Variants in CLVS1 observed in about 807,000 individuals in gnomAD.
The protein encoded by CLVS1 is clavesin 1, also known as clavesin-1.
CLVS1 carries 10 observed loss-of-function variants against 33.1 expected under a neutral mutation model. The ratio of observed to expected loss-of-function variants is 0.30; its 90% CI spans 0.19 to 0.51. The LOEUF (loss-of-function observed/expected upper bound fraction) is 0.51, where lower values mean the gene tolerates loss of function less well. Ranked by LOEUF, CLVS1 falls within the 20% of genes least tolerant of loss-of-function variation. The pLI is 0.97. For missense variants in CLVS1, 343 were observed against 433.4 expected (o/e 0.79, Z 1.85); for synonymous variants, 163 against 166.1 (o/e 0.98, Z 0.14).
At chr8:61,441,306 C>T (rs996805303) in intron 3 of CLVS1, among the ~76,000 whole-genome samples, 2 of 152,214 alleles carry the variant, frequency 1.3e-5, no homozygotes, top group Non-Finnish European at 2.9e-5. Context: ...AAAGACGGTC[C>T]TCCCTTACAC....
intron 5 of CLVS1, among the ~76,000 whole-genome samples, chr8:61,494,437 C>T (rs1804200440): frequency 6.6e-6 from 1 of 152,084 alleles, no homozygotes; most frequent in Non-Finnish European, 1.5e-5. Context: ...CCTGCCTGAC[C>T]TTGGGGTTAA....
the CLVS1 span, among the ~76,000 whole-genome samples, chr8:60,988,525 A>T: frequency 2.6e-5 from 4 of 152,186 alleles, no homozygotes; most frequent in African/African-American, 4.8e-5. Flanking sequence ...GCTGCTGAAA[A>T]AAAAAAGAGT....
chr8:61,184,156 G>C (rs1807295711), intron 2 of CLVS1, among the ~76,000 whole-genome samples: 1 of 152,122 alleles, frequency 6.6e-6, no homozygotes, highest in African/African-American at 2.4e-5. Flanking sequence ...GCCCAAACTT[G>C]AGAAACTTGG....
In CLVS1 at chr8:61,199,920, G is replaced by C. The variant is rs559014647; in HGVS notation, c.-152+68060G>C. The stretch of plus-strand genomic sequence containing the variant: ...TCTAGTCTATGTAACCAAAGATAAG[G>C]GACCTTGTTGAGAAAGTGAAGGGTG... On this transcript the variant is annotated intron_variant, in intron 2 of 2. Transcript: ENST00000522621. 1.9e-4 allele frequency among the ~76,000 whole-genome samples: 29 copies of C among 152,218 alleles called. No individual in the cohort carries two copies. The South Asian group carries it at 5.0e-3, about 26-fold the overall frequency.
At chr8:61,383,943 C>A (rs1414292681) in intron 3 of CLVS1, among the ~76,000 whole-genome samples, 2 of 152,122 alleles carry the variant, frequency 1.3e-5, no homozygotes, top group Non-Finnish European at 2.9e-5. Context: ...GGTGGACTTA[C>A]AAAGAAATGA....
intron 2 of CLVS1, among the ~76,000 whole-genome samples, chr8:61,172,601 T>C (rs935783901): frequency 6.6e-6 from 1 of 152,160 alleles, no homozygotes. Context: ...TTTATAAAAA[T>C]GTGAACAGCA....
intron 3 of CLVS1, among the ~76,000 whole-genome samples, chr8:61,418,172 G>C (rs1183599698): frequency 6.6e-6 from 1 of 152,086 alleles, no homozygotes; most frequent in Non-Finnish European, 1.5e-5. Flanking sequence ...GGAATTGCTG[G>C]TCTCAACCTC....
intron 2 of CLVS1, among the ~76,000 whole-genome samples, chr8:61,150,658 G>A (rs1045527998): frequency 1.3e-5 from 2 of 152,152 alleles, no homozygotes; most frequent in Admixed American, 6.5e-5. Context: ...GCTGTGTCAA[G>A]GAATCCCAGC....
chr8:61,496,802 A>AGGT (rs1394798093), intron 5 of CLVS1, among the ~76,000 whole-genome samples: 2 of 152,154 alleles, frequency 1.3e-5, no homozygotes, highest in African/African-American at 4.8e-5. Flanking sequence ...TTTTATGGTG[A>AGGT]GGTGGAAGGA....
chr8:61,413,244 A>G (rs1198242189), intron 3 of CLVS1, among the ~76,000 whole-genome samples: 2 of 152,198 alleles, frequency 1.3e-5, no homozygotes, highest in Non-Finnish European at 2.9e-5. Context: ...GGCAACTCAT[A>G]TGCTACAGTA....
At chr8:61,485,553 T>C (rs997532006) in intron 5 of CLVS1, among the ~76,000 whole-genome samples, 28 of 152,256 alleles carry the variant, frequency 1.8e-4, no homozygotes, top group Admixed American at 6.5e-5. Context: ...TTTGATGATC[T>C]AGAACTGGAA....
chr8:60,995,402 C>A, the CLVS1 span, among the ~76,000 whole-genome samples: 1 of 152,174 alleles, frequency 6.6e-6, no homozygotes, highest in Admixed American at 6.5e-5. Context: ...CCAAAAAACA[C>A]ATGAAAAAAT....
intron 1 of CLVS1, among the ~76,000 whole-genome samples, chr8:61,070,527 C>T (rs545991994): frequency 5.9e-5 from 9 of 152,338 alleles, no homozygotes; most frequent in South Asian, 2.1e-4. Context: ...TTCTTGCTGA[C>T]GTGAGGAAAT....
the CLVS1 span, among the ~76,000 whole-genome samples, chr8:61,034,444 T>A: frequency 6.6e-6 from 1 of 152,142 alleles, no homozygotes; most frequent in Non-Finnish European, 1.5e-5. Flanking sequence ...TTATTAACAA[T>A]AGTTGCCATG....
At chr8:60,975,034 CAG>C in the CLVS1 span, among the ~76,000 whole-genome samples, 1 of 152,192 alleles carries the variant, frequency 6.6e-6, no homozygotes, top group East Asian at 1.9e-4. Flanking sequence ...TTTTGGTACT[CAG>C]AGTGCTGAGA....
At chr8:61,349,531 C>G (rs1278926649) in intron 2 of CLVS1, among the ~76,000 whole-genome samples, 1 of 151,902 alleles carries the variant, frequency 6.6e-6, no homozygotes, top group African/African-American at 2.4e-5. Context: ...GTGAGAGGAC[C>G]AGGTTTGGGT....
rs957893910 is a variant in CLVS1 at position 61,303,681 on chromosome 8, T to C, written c.455+3399T>C. Among the ~76,000 whole-genome samples, 13 of 152,324 alleles carry C rather than the reference T, an allele frequency of 8.5e-5. No homozygotes were observed. The Middle Eastern group carries it at 0.014, about 159-fold the overall frequency. ...AGCCTCCGTTTGAATTTAGATATTG[T>C]CATGTTGTTTACTGGTTATATAACT... On this transcript the variant is annotated intron_variant, in intron 2 of 5. Transcript: ENST00000325897.
chr8:61,291,450 GTTCCATATATTTGTGTGTCA>G (rs1809987813), intron 1 of CLVS1, among the ~76,000 whole-genome samples: 1 of 152,192 alleles, frequency 6.6e-6, no homozygotes, highest in East Asian at 1.9e-4. Context: ...CTTAGACAAA[GTTCCATATATTTGTGTGTCA>G]TTTACATAGC....
At chr8:61,158,188 G>T (rs1227566785) in intron 2 of CLVS1, among the ~76,000 whole-genome samples, 1 of 152,156 alleles carries the variant, frequency 6.6e-6, no homozygotes, top group Non-Finnish European at 1.5e-5. Flanking sequence ...AAAACATTAT[G>T]CTGAGTGAAA....
Sources: allele counts gnomAD v4.1 joint callset (sites outside exome capture counted in the v4.1 genomes callset), GRCh38; gene constraint gnomAD v4.1.1; transcripts MANE v1.5; gene names NCBI Gene and HGNC (gene_info 2026-07-23, HGNC 2026-07-21).